Variants in PRKCH observed in about 807,000 individuals in gnomAD.
The protein encoded by PRKCH is protein kinase C eta, also known as protein kinase C eta type.
A neutral mutation model predicts 82.5 loss-of-function variants in PRKCH; 28 were observed. That is an observed-to-expected ratio of 0.34 (90% confidence interval 0.25 to 0.47). The LOEUF (loss-of-function observed/expected upper bound fraction) is 0.47. PRKCH is among the 20% of genes least tolerant of loss of function. The pLI, the probability that PRKCH is intolerant of heterozygous loss-of-function variation, is 1.00. For synonymous variants in PRKCH, 322 were observed against 327.4 expected, an observed-to-expected ratio of 0.98 and a Z score of 0.18; for missense variants, 705 against 881.8, an observed-to-expected ratio of 0.80 and a Z score of 2.54.
Position 61,530,476 on chromosome 14 carries a change from C to A in PRKCH, c.1642C>A (p.Leu548Ile), listed in dbSNP as rs2043032326. The part of the protein sequence containing the change: ...WAMGVLLYEM[L>I]CGHAPFEAEN... ...AATGGGCGTGTTGCTCTATGAGATGCTCTGTGGTCACGCGCCTTTTGAGGC... is the reference window on the plus strand; with the variant it reads ...AATGGGCGTGTTGCTCTATGAGATGATCTGTGGTCACGCGCCTTTTGAGGC... Residue 548 changes from leucine to isoleucine, a missense_variant, in exon 12 of 14, where the codon CTC becomes ATC. Transcript: ENST00000332981. 6.2e-7 allele frequency: 1 copy of A among 1,612,142 alleles called. No homozygotes were observed. The highest frequency in any genetic ancestry group is 1.3e-5 in the African/African-American group (1 of 74,908).
chr14:61,410,342 C>G (rs1882200564), intron 2 of PRKCH, among the ~76,000 whole-genome samples: 1 of 152,076 alleles, frequency 6.6e-6, no homozygotes, highest in Non-Finnish European at 1.5e-5. Context: ...GAAATGGGAG[C>G]ATGTGTTGAC....
Position 61,280,315 on chromosome 14 carries a change from A to C in PRKCH, c.-19+92647A>C, listed in dbSNP as rs553531727. On this transcript the variant is annotated intron_variant, in intron 1 of 3. Coordinates refer to the PRKCH transcript ENST00000555185. The surrounding 1 kb of genome is among the most constrained non-coding windows in gnomAD (Gnocchi z 5.0). ...GTTGACGCGGTAGGCGCCCCGCGGC[A>C]GCCCGGCCGAGTAGTTGCCCTGGCG... The C allele has an allele frequency of 3.1e-6, 5 of 1,613,880 alleles. No homozygotes were observed. Among genetic ancestry groups the C allele is most frequent in the Non-Finnish European group, 2.5e-6 (3 of 1,179,956 alleles).
At chr14:61,291,283 A>G (rs1164982722) in intron 1 of PRKCH, among the ~76,000 whole-genome samples, 1 of 149,680 alleles carries the variant, frequency 6.7e-6, no homozygotes, top group Admixed American at 6.6e-5. Flanking sequence ...CTTCTTTGTG[A>G]TAATAGCTAA....
intron 2 of PRKCH, among the ~76,000 whole-genome samples, chr14:61,440,690 A>G (rs911005314): frequency 6.6e-6 from 1 of 152,074 alleles, no homozygotes; most frequent in Non-Finnish European, 1.5e-5. Context: ...CCTGGCCAAC[A>G]TGGTGAAACC....
Position 61,443,188 on chromosome 14 carries a change from A to C in PRKCH, c.505A>C (p.Ile169Leu), listed in dbSNP as rs1452598715. 1.2e-6 allele frequency: 2 copies of C among 1,614,126 alleles called. No homozygotes were observed. The highest frequency in any genetic ancestry group is 3.3e-5 in the Admixed American group (2 of 60,010). ...GGCTATGCGAAGGCGAGTCCACCAG[A>C]TCAATGGACACAAGTTCATGGCCAC... The part of the protein sequence containing the change: ...QRAMRRRVHQ[I>L]NGHKFMATYL... Residue 169 changes from isoleucine (I) to leucine (L), a missense_variant, in exon 3 of 14, where the codon ATC becomes CTC. By Grantham distance (5) the Ile-to-Leu change is conservative (BLOSUM62 2). Coordinates refer to ENST00000332981, the MANE Select transcript of PRKCH (RefSeq NM_006255.5).
intron 1 of PRKCH, among the ~76,000 whole-genome samples, chr14:61,356,808 A>C (rs570010766): frequency 6.6e-6 from 1 of 152,270 alleles, no homozygotes; most frequent in East Asian, 1.9e-4. Flanking sequence ...CAGCCTCCCA[A>C]GTAGGTGGGA....
At chr14:61,261,239 C>A (rs1282599979) in intron 1 of PRKCH, among the ~76,000 whole-genome samples, 1 of 152,176 alleles carries the variant, frequency 6.6e-6, no homozygotes, top group Non-Finnish European at 1.5e-5. Context: ...TAGGAACTTT[C>A]ATCTTTTTAA....
At chr14:61,283,374 G>A (rs1486264816) in intron 1 of PRKCH, among the ~76,000 whole-genome samples, 1 of 152,152 alleles carries the variant, frequency 6.6e-6, no homozygotes, top group Non-Finnish European at 1.5e-5. Context: ...GGTCAGCAGA[G>A]TTAAACACAG....
chr14:61,485,580 G>A lies in PRKCH; in HGVS notation c.1357G>A (p.Glu453Lys), dbSNP rs1886183703. ...CATTCAGAAGTCTCGTCGTTTTGAT[G>A]AAGCACGAGCTCGCTTCTATGCTGC... ...FHIQKSRRFD[E>K]ARARFYAAEI... The change falls in exon 10 of 14, where the codon GAA (glutamate) becomes AAA (lysine). Residue 453 changes from glutamate to lysine, a missense_variant. Around this residue, in one of 5 missense-constraint regions of PRKCH, gnomAD observed 238 missense variants for 258.1 expected, o/e 0.92. Coordinates refer to ENST00000332981, the MANE Select transcript of PRKCH (RefSeq NM_006255.5). The A allele has an allele frequency of 1.7e-5, 27 of 1,614,012 alleles. No homozygotes were observed. The highest frequency in any genetic ancestry group is 2.2e-5 in the Non-Finnish European group (26 of 1,180,028).
chr14:61,409,323 A>G (rs927756907), intron 2 of PRKCH, among the ~76,000 whole-genome samples: 3 of 152,154 alleles, frequency 2.0e-5, no homozygotes, highest in Non-Finnish European at 4.4e-5. Context: ...TCTTTGGGAT[A>G]TGTTTGAAAC....
chr14:61,196,339 C>T (rs906256269), intron 1 of PRKCH, among the ~76,000 whole-genome samples: 4 of 152,146 alleles, frequency 2.6e-5, no homozygotes, highest in African/African-American at 9.7e-5. Context: ...TACCAAGAGA[C>T]AATGGATTGA....
intron 1 of PRKCH, among the ~76,000 whole-genome samples, chr14:61,284,940 G>A (rs1233161932): frequency 6.6e-6 from 1 of 152,238 alleles, no homozygotes; most frequent in Non-Finnish European, 1.5e-5. Flanking sequence ...ATGAGATGAA[G>A]ATTGAAATAA....
intron 1 of PRKCH, among the ~76,000 whole-genome samples, chr14:61,270,842 C>T (rs572106425): frequency 6.6e-6 from 1 of 152,250 alleles, no homozygotes; most frequent in East Asian, 1.9e-4. Context: ...GGTGTGATGG[C>T]ATGTGCCTGT....
intron 1 of PRKCH, among the ~76,000 whole-genome samples, chr14:61,358,465 T>C (rs559286992): frequency 6.6e-6 from 1 of 152,284 alleles, no homozygotes; most frequent in East Asian, 1.9e-4. Context: ...ACTTCTTCCT[T>C]CTGGACATTT....
chr14:61,515,948 T>C (rs544259675), intron 10 of PRKCH, among the ~76,000 whole-genome samples: 85 of 152,254 alleles, frequency 5.6e-4, no homozygotes, highest in African/African-American at 2.0e-3. Context: ...ACTCATCATT[T>C]CTATGAGGCA....
At chr14:61,339,294 T>G (rs951308242) in intron 1 of PRKCH, among the ~76,000 whole-genome samples, 1 of 151,752 alleles carries the variant, frequency 6.6e-6, no homozygotes, top group African/African-American at 2.4e-5. Flanking sequence ...CATCCTCTCC[T>G]GTCCTCCTGA....
chr14:61,377,071 A>G (rs1327305437), intron 1 of PRKCH, among the ~76,000 whole-genome samples: 2 of 152,156 alleles, frequency 1.3e-5, no homozygotes, highest in East Asian at 1.9e-4. Flanking sequence ...TCATGGAAGA[A>G]GTCTACCTGT....
At chr14:61,224,645 A>T (rs896257876) in intron 1 of PRKCH, among the ~76,000 whole-genome samples, 7 of 152,200 alleles carry the variant, frequency 4.6e-5, no homozygotes, top group Admixed American at 2.6e-4. Flanking sequence ...GAAACCACAG[A>T]GGTATATTGC....
intron 2 of PRKCH, among the ~76,000 whole-genome samples, chr14:61,439,378 G>T (rs556139544): frequency 6.6e-6 from 1 of 152,246 alleles, no homozygotes; most frequent in East Asian, 1.9e-4. Flanking sequence ...AAGCCATGGG[G>T]GCCCATTTTC....
Sources: gnomAD v4.1 joint callset for allele counts (sites outside exome capture counted in the v4.1 genomes callset) on GRCh38, gnomAD v4.1.1 for gene constraint, gnomAD v4.1.1 regional missense constraint, Gnocchi (gnomAD v3.1) non-coding constraint, MANE v1.5 for transcripts, NCBI Gene and HGNC (gene_info 2026-07-23, HGNC 2026-07-21) for gene names.